SEC61A2: variants seen among roughly 807,000 people sequenced by gnomAD.
SEC61A2 encodes SEC61 translocon subunit alpha 2.
A neutral mutation model predicts 59.9 loss-of-function variants in SEC61A2; 28 were observed. The ratio of observed to expected loss-of-function variants is 0.47; its 90% CI spans 0.35 to 0.64. SEC61A2 has a LOEUF of 0.64. Ranked by LOEUF, SEC61A2 falls within the 30% of genes least tolerant of loss-of-function variation. The probability of loss-of-function intolerance (pLI) is 0.01; values close to 1 mark genes in which losing one functional copy is unlikely to be tolerated. For missense variants in SEC61A2, 340 were observed against 585.9 expected (o/e 0.58, Z 4.33); for synonymous variants, 202 against 214.4 (o/e 0.94, Z 0.50).
chr10:12,143,418 A>G lies in SEC61A2; in HGVS notation c.220+223A>G, dbSNP rs1469444330. Among the ~76,000 whole-genome samples, 1 of 152,164 alleles carries G rather than the reference A, an allele frequency of 6.6e-6. No homozygotes were observed. Among genetic ancestry groups the G allele is most frequent in the Non-Finnish European group, 1.5e-5 (1 of 68,028 alleles). ...AAACCCTGATCTTCAGTGTCAAAGAAGGTGATGTCCAGATAACATTGGAAT... is the reference window on the plus strand; with the variant it reads ...AAACCCTGATCTTCAGTGTCAAAGAGGGTGATGTCCAGATAACATTGGAAT... On this transcript the variant is annotated intron_variant, in intron 4 of 11. Coordinates refer to ENST00000298428, the MANE Select transcript of SEC61A2 (RefSeq NM_018144.4). This position sits in a 1 kb window ranked among gnomAD's most constrained non-coding sequence, Gnocchi z 4.8.
chr10:12,134,224 G>C (rs995715124), intron 2 of SEC61A2, among the ~76,000 whole-genome samples: 1 of 152,102 alleles, frequency 6.6e-6, no homozygotes, highest in Non-Finnish European at 1.5e-5. Flanking sequence ...AGCCAGGATG[G>C]TCTCGATCTC....
chr10:12,130,176 A>G (rs1251233917), intron 1 of SEC61A2, among the ~76,000 whole-genome samples: 1 of 152,116 alleles, frequency 6.6e-6, no homozygotes, highest in African/African-American at 2.4e-5. Flanking sequence ...GCATTGAAGA[A>G]AGCTCCCCTA....
rs1834226926 is a variant in SEC61A2, at chr10:12,149,501, G to A, written c.221-94G>A. ...TTTGCTTGTTAAAATTTTCACGTGT[G>A]TTTCAGTTGAGGTAATTAGGGAGTG... On this transcript the variant is annotated intron_variant, in intron 4 of 11. Transcript: ENST00000298428. This position sits in a 1 kb window ranked among gnomAD's most constrained non-coding sequence, Gnocchi z 5.2. The A allele has an allele frequency of 2.4e-6, 3 of 1,247,656 alleles. No homozygotes were observed. In the Admixed American group the frequency reaches 7.6e-5, roughly 32 times the overall value. The allele number at this position is 1,247,656 out of a possible 1,614,324, so 77.3% of individuals were successfully genotyped here.
In SEC61A2 at chr10:12,165,144, T is replaced by C. The variant is rs1834636222; in HGVS notation, c.*690T>C. ...CTGTTTGCCTGTATTGGCTATGCCT[T>C]CTAACTCCAACCAGTCACTTGAGAA... On this transcript the variant is annotated 3_prime_UTR_variant, in exon 12 of 12. Transcript: ENST00000298428. The C allele has an allele frequency of 1.0e-6, 1 of 985,520 alleles. No homozygotes were observed. The highest frequency in any genetic ancestry group is 1.2e-6 in the Non-Finnish European group (1 of 829,976). The allele number at this position is 985,520 out of a possible 1,614,324, so 61.0% of individuals were successfully genotyped here. A position where few individuals can be genotyped will look rare whatever the true frequency, so the allele number is the denominator to read the frequency against.
rs567100647 is a variant in SEC61A2, at chr10:12,145,168, C to T, written c.220+1973C>T. Among the ~76,000 whole-genome samples, 30 of 152,096 alleles carry T rather than the reference C, an allele frequency of 2.0e-4. No individual in the cohort carries two copies. Among genetic ancestry groups the T allele is most frequent in the African/African-American group, 6.0e-4 (25 of 41,504 alleles). On this transcript the variant is annotated intron_variant, in intron 4 of 11. Transcript: ENST00000298428. This position sits in a 1 kb window ranked among gnomAD's most constrained non-coding sequence, Gnocchi z 4.4. ...GTCAGATCATGAAGGGCTTGGAGACCGTTGGATGGAGCACATTTTAAGGAA... is the reference window on the plus strand; with the variant it reads ...GTCAGATCATGAAGGGCTTGGAGACTGTTGGATGGAGCACATTTTAAGGAA...
intron 4 of SEC61A2, among the ~76,000 whole-genome samples, chr10:12,147,459 C>A (rs1564411301): frequency 6.6e-6 from 1 of 152,076 alleles, no homozygotes; most frequent in Non-Finnish European, 1.5e-5. Flanking sequence ...CCGAGGAGGG[C>A]AGATTACTTG....
rs1384935306 is a variant in SEC61A2, at chr10:12,157,031, T to C, written c.741T>C (p.Ala247=). 1.9e-6 allele frequency: 3 copies of C among 1,614,184 alleles called. No individual in the cohort carries two copies. The highest frequency in any genetic ancestry group is 1.3e-5 in the African/African-American group (1 of 75,070). The change falls in exon 8 of 12, where the codon GCT becomes GCC. Residue 247 remains alanine, a synonymous_variant. Coordinates refer to ENST00000298428, the MANE Select transcript of SEC61A2 (RefSeq NM_018144.4). ...QNLPNLMNLI[A]TVFVFAVVIY... ...TACCCAATCTCATGAACCTCATTGC[T>C]ACAGTTTTTGTGTTTGCTGTTGTTA... is the stretch of plus-strand genomic sequence containing the variant.
chr10:12,155,252 T>C lies in SEC61A2; in HGVS notation c.463-526T>C. 8.3e-7 allele frequency: 1 copy of C among 1,210,804 alleles called. No homozygotes were observed. The allele number at this position is 1,210,804 out of a possible 1,614,324, so 75.0% of individuals were successfully genotyped here. ...TACATATTTGTGTTCTAGTTTTTTA[T>C]TCTGTACACATTTTATAGAGTATAC... On this transcript the variant is annotated intron_variant, in intron 6 of 11. Coordinates refer to ENST00000298428, the MANE Select transcript of SEC61A2 (RefSeq NM_018144.4). The surrounding 1 kb of genome is among the most constrained non-coding windows in gnomAD (Gnocchi z 4.3).
At chr10:12,139,857 T>C (rs1429663448) in intron 3 of SEC61A2, among the ~76,000 whole-genome samples, 17 of 150,604 alleles carry the variant, frequency 1.1e-4, no homozygotes, top group African/African-American at 4.2e-4. Flanking sequence ...TAGTCCCAGC[T>C]ACTTGGGAGG....
rs1834618115 is a variant in SEC61A2, at chr10:12,164,553, G to A, written c.*99G>A. 1 of 1,509,054 alleles carries A rather than the reference G, an allele frequency of 6.6e-7. No homozygotes were observed. Among genetic ancestry groups the A allele is most frequent in the Non-Finnish European group, 8.8e-7 (1 of 1,133,778 alleles). 93.5% of individuals were successfully genotyped at this position (1,509,054 alleles called of 1,614,324 possible). A position where few individuals can be genotyped will look rare whatever the true frequency, so the allele number is the denominator to read the frequency against. The stretch of plus-strand genomic sequence containing the variant: ...GTGGCTCCCCTTTTCTCCCCTCACA[G>A]TTTCTTGTTTCGAGTGCTGACTGAC... On this transcript the variant is annotated 3_prime_UTR_variant, in exon 12 of 12. Coordinates refer to ENST00000298428, the MANE Select transcript of SEC61A2 (RefSeq NM_018144.4). The surrounding 1 kb of genome is among the most constrained non-coding windows in gnomAD (Gnocchi z 7.3).
At chr10:12,134,341 G>C (rs1024491397) in intron 2 of SEC61A2, among the ~76,000 whole-genome samples, 4 of 151,328 alleles carry the variant, frequency 2.6e-5, no homozygotes, top group Non-Finnish European at 5.9e-5. Flanking sequence ...TGTAAAAATA[G>C]TTGTTCCATT....
At chr10:12,166,836 G>T (rs536411769), downstream of SEC61A2, 1 of 453,722 alleles carries the variant, frequency 2.2e-6, no homozygotes, top group African/African-American at 2.0e-5. Flanking sequence ...CAGGGTTTCA[G>T]GCATGGGAAC....
In SEC61A2 at chr10:12,153,451, G is replaced by A. The variant is rs954678815; in HGVS notation, c.463-2327G>A. On this transcript the variant is annotated intron_variant, in intron 6 of 11. Transcript: ENST00000298428. This position sits in a 1 kb window ranked among gnomAD's most constrained non-coding sequence, Gnocchi z 5.2. ...GATTCCTAAGGAATCTCCACTGAGC[G>A]ATTCTCAGCCAGCTAGCTACAGGAT... is the stretch of plus-strand genomic sequence containing the variant. Among the ~76,000 whole-genome samples, 2 of 152,148 alleles carry A rather than the reference G, an allele frequency of 1.3e-5. No individual in the cohort carries two copies. Among genetic ancestry groups the A allele is most frequent in the Non-Finnish European group, 2.9e-5 (2 of 68,030 alleles).
rs1199809400 is a variant in SEC61A2 at position 12,149,288 on chromosome 10, C to G, written c.221-307C>G. On this transcript the variant is annotated intron_variant, in intron 4 of 11. Coordinates refer to ENST00000298428, the MANE Select transcript of SEC61A2 (RefSeq NM_018144.4). The surrounding 1 kb of genome is among the most constrained non-coding windows in gnomAD (Gnocchi z 5.2). ...CATTTTTAGTAGAGACGGGGTTTCT[C>G]CATGTTGTCCCGTTGGTCTCGAACT... Among the ~76,000 whole-genome samples, 1 of 151,954 alleles carries G rather than the reference C, an allele frequency of 6.6e-6. No homozygotes were observed. Among genetic ancestry groups the G allele is most frequent in the African/African-American group, 2.4e-5 (1 of 41,370 alleles).
downstream of SEC61A2, chr10:12,166,560 C>T (rs772851622): frequency 9.0e-6 from 3 of 332,116 alleles, no homozygotes; most frequent in African/African-American, 2.2e-5. Context: ...ACGGAGGCTA[C>T]TGCAGCATTC....
downstream of SEC61A2, chr10:12,165,538 C>T (rs1199220387): frequency 5.0e-6 from 1 of 198,720 alleles, no homozygotes; most frequent in African/African-American, 2.4e-5. Context: ...AGATAGTGAC[C>T]AACTTAAGGG....
At chr10:12,132,818 C>T (rs1370249719) in intron 1 of SEC61A2, among the ~76,000 whole-genome samples, 1 of 152,134 alleles carries the variant, frequency 6.6e-6, no homozygotes, top group Non-Finnish European at 1.5e-5. Flanking sequence ...ACGGGTACCA[C>T]GGTAGAGTAC....
At chr10:12,137,533 G>A (rs932202736) in intron 3 of SEC61A2, among the ~76,000 whole-genome samples, 1 of 152,070 alleles carries the variant, frequency 6.6e-6, no homozygotes, top group African/African-American at 2.4e-5. Context: ...TCGAATTCCT[G>A]GGCTCAAGCC....
chr10:12,161,629 C>G lies in SEC61A2; in HGVS notation c.1167+508C>G, dbSNP rs1174703581. Reference sequence around the variant, plus strand: ...GGCAGCGCATGCCTGTAATCCCAGCCACTCAGGAGGCTGAGGCAGGAGAAT... The same window carrying G: ...GGCAGCGCATGCCTGTAATCCCAGCGACTCAGGAGGCTGAGGCAGGAGAAT... On this transcript the variant is annotated intron_variant, in intron 10 of 11. Transcript: ENST00000298428. The surrounding 1 kb of genome is among the most constrained non-coding windows in gnomAD (Gnocchi z 5.4). Among the ~76,000 whole-genome samples the G allele has an allele frequency of 6.6e-6, 1 of 151,962 alleles. No individual in the cohort carries two copies. Among genetic ancestry groups the G allele is most frequent in the Non-Finnish European group, 1.5e-5 (1 of 67,966 alleles).
Sources: allele counts gnomAD v4.1 joint callset (sites outside exome capture counted in the v4.1 genomes callset), GRCh38; gene constraint gnomAD v4.1.1; non-coding constraint Gnocchi (gnomAD v3.1); transcripts MANE v1.5; gene names NCBI Gene and HGNC (gene_info 2026-07-23, HGNC 2026-07-21).